Variants in SIPA1 observed in about 807,000 individuals in gnomAD.
SIPA1 encodes signal-induced proliferation-associated 1.
Under a neutral mutation model 88.1 loss-of-function variants are expected in SIPA1, and 51 were observed. The observed-to-expected ratio is 0.58, with a 90% CI of 0.46 to 0.73. SIPA1 has a LOEUF of 0.73. SIPA1 is among the 30% of genes least tolerant of loss of function. The probability of loss-of-function intolerance (pLI) is 0.00; values close to 1 mark genes in which losing one functional copy is unlikely to be tolerated. For missense variants in SIPA1, 1,348 were observed against 1,467.6 expected (o/e 0.92, Z 1.33); for synonymous variants, 681 against 664.8 (o/e 1.02, Z -0.37).
chr11:65,648,894 G>A (rs1306170997), intron 9 of SIPA1, among the ~76,000 whole-genome samples: 1 of 151,930 alleles, frequency 6.6e-6, no homozygotes, highest in African/African-American at 2.4e-5. Context: ...TGGCACATCT[G>A]CTTTAGAAAA....
chr11:65,645,408 C>T (rs541188025), intron 5 of SIPA1, among the ~76,000 whole-genome samples: 88 of 152,194 alleles, frequency 5.8e-4, no homozygotes, highest in African/African-American at 2.1e-3. Context: ...AGCTCAGCCT[C>T]GTGGAAGAGA....
rs1264747982 is a variant in SIPA1, at chr11:65,649,557, C to A, written c.2526-4C>A. The A allele has an allele frequency of 1.9e-6, 3 of 1,614,034 alleles. No homozygotes were observed. The African/African-American group carries it at 4.0e-5, about 22-fold the overall frequency. On this transcript the variant is annotated splice_region_variant and splice_polypyrimidine_tract_variant and intron_variant, in intron 10 of 15. Coordinates refer to ENST00000534313, the MANE Select transcript of SIPA1 (RefSeq NM_006747.4). The stretch of plus-strand genomic sequence containing the variant: ...CCTTTCTGAGCCACCCCTGCTCTCC[C>A]CAGCTCTCTGTCGGATGAGGCCCCA...
chr11:65,646,733 G>T lies in SIPA1; in HGVS notation c.1699G>T (p.Ala567Ser). The T allele has an allele frequency of 6.6e-7, 1 of 1,523,854 alleles. No homozygotes were observed. 94.4% of individuals were successfully genotyped at this position (1,523,854 alleles called of 1,614,324 possible). A position where few individuals can be genotyped will look rare whatever the true frequency, so the allele number is the denominator to read the frequency against. Residue 567 changes from alanine (A) to serine (S), a missense_variant, in exon 8 of 16, where the codon GCC becomes TCC. This residue lies in a region of SIPA1 where 68 missense variants were observed against 59.0 expected (regional missense o/e 1.15). Coordinates refer to ENST00000534313, the MANE Select transcript of SIPA1 (RefSeq NM_006747.4). The surrounding 1 kb of genome is among the most constrained non-coding windows in gnomAD (Gnocchi z 7.5). ...LPSLGGRRRA[A>S]PRGPGAELQA... Reference sequence around the variant, plus strand: ...CTCCCTGGGTGGGAGGCGCCGGGCGGCCCCTCGGGGCCCAGGCGCCGAGCT... The same window carrying T: ...CTCCCTGGGTGGGAGGCGCCGGGCGTCCCCTCGGGGCCCAGGCGCCGAGCT...
Position 65,649,884 on chromosome 11 carries a change from G to A in SIPA1, c.2746+19G>A, listed in dbSNP as rs771835692. The A allele has an allele frequency of 6.2e-7, 1 of 1,613,822 alleles. No homozygotes were observed. The highest frequency in any genetic ancestry group is 8.5e-7 in the Non-Finnish European group (1 of 1,179,792). On this transcript the variant is annotated intron_variant, in intron 12 of 15. Coordinates refer to ENST00000534313, the MANE Select transcript of SIPA1 (RefSeq NM_006747.4). ...AGCAGGAGTGAGTCTGGACCCAGGA[G>A]AGCAGGGGAGGGGTTGGGGGGTGCT... is the stretch of plus-strand genomic sequence containing the variant.
chr11:65,646,032 CT>C lies in SIPA1; in HGVS notation c.1263+78del. 1 of 1,337,084 alleles carries C rather than the reference CT, an allele frequency of 7.5e-7. No homozygotes were observed. The highest frequency in any genetic ancestry group is 1.0e-6 in the Non-Finnish European group (1 of 954,574). The allele number at this position is 1,337,084 out of a possible 1,614,324, so 82.8% of individuals were successfully genotyped here. A position where few individuals can be genotyped will look rare whatever the true frequency, so the allele number is the denominator to read the frequency against. The stretch of plus-strand genomic sequence containing the variant: ...CCCTGCATGGCCCATGACGTTTGAG[CT>C]TTGGCCGGAGCTCTGTTGGCCCCAA... On this transcript the variant is annotated intron_variant, in intron 6 of 15. Transcript: ENST00000534313. The surrounding 1 kb of genome is among the most constrained non-coding windows in gnomAD (Gnocchi z 7.5).
rs528729928 is a variant in SIPA1 at position 65,643,643 on chromosome 11, A to G, written c.984+1004A>G. On this transcript the variant is annotated intron_variant, in intron 4 of 15. Transcript: ENST00000534313. The stretch of plus-strand genomic sequence containing the variant: ...TGAGGGCTGCCTGGGCCACGACGGT[A>G]GTGATGAGAGCCCTTCCTTGGCCAG... 4.6e-5 allele frequency among the ~76,000 whole-genome samples: 7 copies of G among 152,348 alleles called. No individual in the cohort carries two copies. The South Asian group carries it at 1.2e-3, about 27-fold the overall frequency.
intron 5 of SIPA1, 122 bp downstream of exon 5, chr11:65,645,251 G>C: frequency 9.9e-7 from 1 of 1,010,126 alleles, no homozygotes; most frequent in Non-Finnish European, 1.5e-6. Flanking sequence ...CTTTGGGTGA[G>C]CTAAGGATCT....
intron 14 of SIPA1, 72 bp from the exon 15 acceptor site, chr11:65,650,329 C>A (rs1856238707): frequency 1.9e-6 from 3 of 1,562,220 alleles, no homozygotes; most frequent in Admixed American, 1.7e-5. Context: ...CTCTCATTAG[C>A]TGGGGCTGGG....
chr11:65,642,373 C>T lies in SIPA1; in HGVS notation c.803C>T (p.Thr268Met). The change falls in exon 3 of 16, where the codon ACG becomes ATG. Residue 268 changes from threonine (T) to methionine (M), a missense_variant. Thr to Met is a moderately conservative substitution (Grantham distance 81). Coordinates refer to ENST00000534313, the MANE Select transcript of SIPA1 (RefSeq NM_006747.4). This position sits in a 1 kb window ranked among gnomAD's most constrained non-coding sequence, Gnocchi z 6.5. The part of the protein sequence containing the change: ...LHSYRVIVRT[T>M]QLRTLRGTIS... ...AGCTACCGCGTCATCGTGCGGACCACGCAGGTGGGCCGGGATCGCGGGATC... is the reference window on the plus strand; with the variant it reads ...AGCTACCGCGTCATCGTGCGGACCATGCAGGTGGGCCGGGATCGCGGGATC... 6.3e-7 allele frequency: 1 copy of T among 1,582,162 alleles called. No individual in the cohort carries two copies.
At chr11:65,647,327 C>T in intron 8 of SIPA1, 57 bp from the exon 9 acceptor site, 1 of 1,366,724 alleles carries the variant, frequency 7.3e-7, no homozygotes, top group Non-Finnish European at 9.4e-7. Context: ...AGGGGGCGGG[C>T]GCTGGGGCGG....
chr11:65,638,770 G>C lies in SIPA1; in HGVS notation c.-92+588G>C, dbSNP rs996350927. ...TGGACCCTGTGTGAAGCTTCAGGGT[G>C]GGGGGCAGAGCCCGAGAACACCCCT... On this transcript the variant is annotated intron_variant, in intron 1 of 15. Coordinates refer to ENST00000534313, the MANE Select transcript of SIPA1 (RefSeq NM_006747.4). Among the ~76,000 whole-genome samples, 9 of 152,352 alleles carry C rather than the reference G, an allele frequency of 5.9e-5. No individual in the cohort carries two copies. The South Asian group carries it at 1.7e-3, about 28-fold the overall frequency.
Position 65,650,021 on chromosome 11 carries a change from A to C in SIPA1, c.2818A>C (p.Asn940His), listed in dbSNP as rs1404203196. Residue 940 changes from asparagine to histidine, a missense_variant, in exon 13 of 16, where the codon AAC becomes CAC. Transcript: ENST00000534313. ...QAISEIASTCNTILESLSREG... is the reference protein window; with the variant it reads ...QAISEIASTCHTILESLSREG... ...CATCTCGGAGATTGCCTCTACTTGC[A>C]ACACCATTCTGGAGTCGCTGTCCCG... is the stretch of plus-strand genomic sequence containing the variant. The C allele has an allele frequency of 6.2e-7, 1 of 1,613,772 alleles. No homozygotes were observed. The highest frequency in any genetic ancestry group is 1.3e-5 in the African/African-American group (1 of 74,848).
At chr11:65,649,071 A>G (rs1856197251) in intron 9 of SIPA1, 191 bp from the exon 10 acceptor site, 6 of 558,096 alleles carry the variant, frequency 1.1e-5, no homozygotes, top group Non-Finnish European at 1.9e-5. Flanking sequence ...TGGGATATAC[A>G]GGGGCAGCAC....
chr11:65,641,611 G>T lies in SIPA1; in HGVS notation c.679+11G>T. The T allele has an allele frequency of 1.3e-6, 2 of 1,596,356 alleles. No individual in the cohort carries two copies. Among genetic ancestry groups the T allele is most frequent in the Non-Finnish European group, 1.7e-6 (2 of 1,171,394 alleles). On this transcript the variant is annotated intron_variant, in intron 2 of 15. Coordinates refer to ENST00000534313, the MANE Select transcript of SIPA1 (RefSeq NM_006747.4). Reference sequence around the variant, plus strand: ...ACTTCTATGGCAAAGGTGAGGAAAGGCAGTTCCAGGGAGTGGAGGAGGGGG... The same window carrying T: ...ACTTCTATGGCAAAGGTGAGGAAAGTCAGTTCCAGGGAGTGGAGGAGGGGG...
rs1040064882 is a variant in SIPA1 at position 65,649,117 on chromosome 11, A to T, written c.2307-145A>T. ...ACCATGGTCTGGAAAAATGGCCAGT[A>T]ACCAGGCAGACATTTTTCACTGTTG... On this transcript the variant is annotated intron_variant, in intron 9 of 15. Coordinates refer to ENST00000534313, the MANE Select transcript of SIPA1 (RefSeq NM_006747.4). 4 of 618,756 alleles carry T rather than the reference A, an allele frequency of 6.5e-6. No homozygotes were observed. In the African/African-American group the frequency reaches 7.4e-5, roughly 11 times the overall value. The allele number at this position is 618,756 out of a possible 1,614,324, so 38.3% of individuals were successfully genotyped here.
intron 4 of SIPA1, among the ~76,000 whole-genome samples, chr11:65,644,135 T>G (rs1223290826): frequency 1.3e-5 from 2 of 148,820 alleles, no homozygotes; most frequent in Admixed American, 6.7e-5. Context: ...GGTGGGGGAG[T>G]CACAGCAAGG....
chr11:65,645,990 C>T, intron 6 of SIPA1, 33 bp downstream of exon 6: 1 of 1,533,996 alleles, frequency 6.5e-7, no homozygotes, highest in Non-Finnish European at 9.0e-7. Flanking sequence ...GGTGGGGCTT[C>T]CGGGAACCAT....
Position 65,642,267 on chromosome 11 carries a change from G to C in SIPA1, c.697G>C (p.Gly233Arg), listed in dbSNP as rs1248855132. ...FYGKEHQNFF[G>R]MDESLGPVAV... ...TCCCCCAGAACATCAGAACTTCTTC[G>C]GGATGGACGAGTCGCTGGGCCCGGT... Residue 233 changes from glycine (G) to arginine (R), a missense_variant, in exon 3 of 16, where the codon GGG becomes CGG. By Grantham distance (125) the Gly-to-Arg change is moderately radical. Transcript: ENST00000534313. The surrounding 1 kb of genome is among the most constrained non-coding windows in gnomAD (Gnocchi z 6.5). 2.6e-6 allele frequency: 4 copies of C among 1,554,572 alleles called. No individual in the cohort carries two copies. The Admixed American group carries it at 8.0e-5, about 31-fold the overall frequency.
intron 5 of SIPA1, 52 bp downstream of exon 5, chr11:65,645,181 G>T (rs761115294): frequency 6.5e-7 from 1 of 1,538,256 alleles, no homozygotes; most frequent in East Asian, 2.3e-5. Context: ...GAAGGGGTGA[G>T]CACAAATTGC....
Sources: gnomAD v4.1 joint callset for allele counts (sites outside exome capture counted in the v4.1 genomes callset) on GRCh38, gnomAD v4.1.1 for gene constraint, gnomAD v4.1.1 regional missense constraint, Gnocchi (gnomAD v3.1) non-coding constraint, MANE v1.5 for transcripts, NCBI Gene and HGNC (gene_info 2026-07-23, HGNC 2026-07-21) for gene names.